Variants in CDH13 observed in about 807,000 individuals in gnomAD.
CDH13 encodes cadherin-13.
Under a neutral mutation model 63.8 loss-of-function variants are expected in CDH13, and 24 were observed. That is an observed-to-expected ratio of 0.38 (90% CI 0.27 to 0.53). The LOEUF (loss-of-function observed/expected upper bound fraction) is 0.53, where lower values mean the gene tolerates loss of function less well. Ranked by LOEUF, CDH13 falls within the 20% of genes least tolerant of loss-of-function variation. CDH13 has a pLI of 0.85. For synonymous variants in CDH13, 503 were observed against 355.3 expected (o/e 1.42, Z -4.67); for missense variants, 1,049 against 903.1 (o/e 1.16, Z -2.07).
intron 3 of CDH13, among the ~76,000 whole-genome samples, chr16:83,033,633 T>G (rs538998750): frequency 1.3e-5 from 2 of 152,298 alleles, no homozygotes; most frequent in South Asian, 2.1e-4. Context: ...CACAGGCACA[T>G]GCATGCAGAT....
At chr16:82,941,088 A>C (rs1904281359) in intron 2 of CDH13, among the ~76,000 whole-genome samples, 1 of 152,180 alleles carries the variant, frequency 6.6e-6, no homozygotes, top group African/African-American at 2.4e-5. Flanking sequence ...AGACACCAGT[A>C]AAATGAGAGA....
At chr16:83,025,767 A>G (rs936407966) in intron 2 of CDH13, among the ~76,000 whole-genome samples, 3 of 151,892 alleles carry the variant, frequency 2.0e-5, no homozygotes, top group African/African-American at 7.3e-5. Flanking sequence ...CCAGTCCCCA[A>G]CCTCTACTCT....
chr16:83,618,436 A>G (rs1909494667), intron 8 of CDH13, among the ~76,000 whole-genome samples: 1 of 151,566 alleles, frequency 6.6e-6, no homozygotes, highest in Non-Finnish European at 1.5e-5. Flanking sequence ...AAAAAAAAAG[A>G]AAAAGAAAAG....
intron 4 of CDH13, among the ~76,000 whole-genome samples, chr16:83,146,313 A>G (rs567054229): frequency 6.6e-6 from 1 of 152,364 alleles, no homozygotes; most frequent in East Asian, 1.9e-4. Context: ...AGTTGAAGAC[A>G]TTATGTCTAG....
intron 8 of CDH13, among the ~76,000 whole-genome samples, chr16:83,636,295 A>T (rs1450949945): frequency 6.6e-6 from 1 of 151,842 alleles, no homozygotes; most frequent in Non-Finnish European, 1.5e-5. Context: ...TTCAGAAAAC[A>T]TTTTTTTTCC....
At chr16:82,793,148 G>A (rs6565068) in intron 1 of CDH13, among the ~76,000 whole-genome samples, 11,968 of 152,298 alleles carry the variant, frequency 0.079, 598 homozygotes, top group East Asian at 0.24. Context: ...GGCACCAGAA[G>A]CCTCTGGAAG....
At chr16:82,664,000 C>T (rs1912291171) in intron 1 of CDH13, among the ~76,000 whole-genome samples, 1 of 152,200 alleles carries the variant, frequency 6.6e-6, no homozygotes, top group Non-Finnish European at 1.5e-5. Flanking sequence ...GGCTCCACTT[C>T]TGCCTTTGTA....
intron 4 of CDH13, among the ~76,000 whole-genome samples, chr16:83,193,391 T>C (rs1258162600): frequency 6.6e-6 from 1 of 152,182 alleles, no homozygotes; most frequent in Non-Finnish European, 1.5e-5. Flanking sequence ...TCGCAAGCCC[T>C]GCATGCCAGT....
In CDH13 at chr16:83,058,365, A is replaced by G. The variant is rs111419345; in HGVS notation, c.366+26147A>G. Among the ~76,000 whole-genome samples, 4 of 152,328 alleles carry G rather than the reference A, an allele frequency of 2.6e-5. 1 individual carries two copies. Among genetic ancestry groups the G allele is most frequent in the African/African-American group, 9.6e-5 (4 of 41,570 alleles). ...GGTTTTCTGCGTGTGCCGCTGGCCA[A>G]TTCTTCAAGAAAAGTGTTTGTTCTT... On this transcript the variant is annotated intron_variant, in intron 3 of 13. Coordinates refer to ENST00000567109, the MANE Select transcript of CDH13 (RefSeq NM_001257.5).
At chr16:82,627,647 C>T (rs1236383834) in intron 1 of CDH13, among the ~76,000 whole-genome samples, 1 of 152,098 alleles carries the variant, frequency 6.6e-6, no homozygotes, top group Admixed American at 6.5e-5. Context: ...GGCGCCCGGG[C>T]CCCCTGGTAC....
chr16:82,654,981 C>T (rs938491533), intron 1 of CDH13, among the ~76,000 whole-genome samples: 4 of 152,136 alleles, frequency 2.6e-5, no homozygotes, highest in African/African-American at 4.8e-5. Flanking sequence ...AGCTGGTGGT[C>T]CCAGATTTCA....
intron 2 of CDH13, among the ~76,000 whole-genome samples, chr16:82,901,324 C>CTCTGTG (rs777728162): frequency 1.2e-3 from 159 of 130,464 alleles, no homozygotes; most frequent in African/African-American, 4.3e-3. Context: ...TAGTATTCTC[C>CTCTGTG]TGTGTGTGTG....
chr16:83,651,946 C>A lies in CDH13; in HGVS notation c.1102-18844C>A, dbSNP rs545293823. 2.0e-5 allele frequency among the ~76,000 whole-genome samples: 3 copies of A among 152,250 alleles called. No individual in the cohort carries two copies. In the East Asian group the frequency reaches 5.8e-4, roughly 29 times the overall value. ...TGCCACTGGAGTGCGTCTCTCCTCA[C>A]GCAGATTTTCATTATGTTACTCCAC... On this transcript the variant is annotated intron_variant, in intron 8 of 13. Coordinates refer to ENST00000567109, the MANE Select transcript of CDH13 (RefSeq NM_001257.5).
chr16:82,904,027 T>G (rs1380089431), intron 2 of CDH13, among the ~76,000 whole-genome samples: 1 of 152,222 alleles, frequency 6.6e-6, no homozygotes, highest in Non-Finnish European at 1.5e-5. Flanking sequence ...CTGCTTTTTT[T>G]TCTATTAAAA....
At chr16:83,163,992 G>T (rs1042544514) in intron 4 of CDH13, among the ~76,000 whole-genome samples, 4 of 151,938 alleles carry the variant, frequency 2.6e-5, no homozygotes, top group African/African-American at 9.7e-5. Context: ...TAAGCATTTT[G>T]CAAACATTAT....
chr16:83,445,447 T>C (rs2072658600), intron 6 of CDH13, among the ~76,000 whole-genome samples: 1 of 152,104 alleles, frequency 6.6e-6, no homozygotes, highest in Non-Finnish European at 1.5e-5. Flanking sequence ...TGGCCTCAAT[T>C]TCCTCAGGCT....
intron 7 of CDH13, among the ~76,000 whole-genome samples, chr16:83,528,769 T>C (rs1036514374): frequency 2.8e-4 from 42 of 152,316 alleles, no homozygotes; most frequent in African/African-American, 8.9e-4. Flanking sequence ...GTTGTTTTTA[T>C]TCTAATTTCT....
At chr16:83,650,158 A>T (rs1172102560) in intron 8 of CDH13, among the ~76,000 whole-genome samples, 1 of 152,154 alleles carries the variant, frequency 6.6e-6, no homozygotes, top group Non-Finnish European at 1.5e-5. Context: ...ACCTGCATCC[A>T]CTTGGCACCC....
intron 10 of CDH13, among the ~76,000 whole-genome samples, chr16:83,703,832 C>T (rs1472634366): frequency 6.6e-6 from 1 of 152,328 alleles, no homozygotes; most frequent in Admixed American, 6.5e-5. Flanking sequence ...CCTAGACCAA[C>T]ATGCCTCTGA....
Sources: gnomAD v4.1 joint callset for allele counts (sites outside exome capture counted in the v4.1 genomes callset) on GRCh38, gnomAD v4.1.1 for gene constraint, MANE v1.5 for transcripts, NCBI Gene and HGNC (gene_info 2026-07-23, HGNC 2026-07-21) for gene names.